Variants in MYRFL observed in about 807,000 individuals in gnomAD.
The protein encoded by MYRFL is myelin regulatory factor like.
In MYRFL, 88 loss-of-function variants were observed where a neutral mutation model predicts 109.4. The observed-to-expected ratio is 0.80, with a 90% CI of 0.68 to 0.96. The LOEUF (loss-of-function observed/expected upper bound fraction) is 0.96, where lower values mean the gene tolerates loss of function less well. MYRFL is among the 40% of genes least tolerant of loss of function. MYRFL has a pLI of 0.00. For synonymous variants in MYRFL, 324 were observed against 320.9 expected (o/e 1.01, Z -0.10); for missense variants, 957 against 954.9 (o/e 1.00, Z -0.03).
At chr12:69,956,526 C>T (rs879902207) in intron 22 of MYRFL, among the ~76,000 whole-genome samples, 1 of 151,932 alleles carries the variant, frequency 6.6e-6, no homozygotes, top group Non-Finnish European at 1.5e-5. Context: ...TGATTTTAGT[C>T]TCTCCTTTCC....
In MYRFL at chr12:69,880,280, C is replaced by T; in HGVS notation, c.544C>T (p.His182Tyr). The T allele has an allele frequency of 1.4e-6, 1 of 702,620 alleles. No individual in the cohort carries two copies. The highest frequency in any genetic ancestry group is 2.6e-6 in the Non-Finnish European group (1 of 384,760). 43.5% of individuals were successfully genotyped at this position (702,620 alleles called of 1,614,324 possible). A position where few individuals can be genotyped will look rare whatever the true frequency, so the allele number is the denominator to read the frequency against. The stretch of plus-strand genomic sequence containing the variant: ...CGGGGAATGCCGAGTGTGGGCCTGC[C>T]ACTGCAGACCGAGTGAGCAAACCTG... ...DSGECRVWAC[H>Y]CRPMTSRSRS... The change falls in exon 5 of 25, where the codon CAC becomes TAC. Residue 182 changes from histidine (H) to tyrosine (Y), a missense_variant. By Grantham distance (83) the His-to-Tyr change is moderately conservative. Transcript: ENST00000552032.
At chr12:69,860,596 T>C (rs1462284262) in intron 2 of MYRFL, among the ~76,000 whole-genome samples, 1 of 152,128 alleles carries the variant, frequency 6.6e-6, no homozygotes, top group Non-Finnish European at 1.5e-5. Context: ...TATCTTTTTC[T>C]TTTAAAAAAT....
At chr12:69,957,578 A>G (rs1461839468) in intron 22 of MYRFL, among the ~76,000 whole-genome samples, 1 of 152,158 alleles carries the variant, frequency 6.6e-6, no homozygotes, top group Admixed American at 6.5e-5. Flanking sequence ...ATAGAAAAGA[A>G]AGAAAAAAAG....
chr12:69,895,966 A>C (rs1341156049), intron 9 of MYRFL, among the ~76,000 whole-genome samples: 7 of 152,222 alleles, frequency 4.6e-5, no homozygotes, highest in Admixed American at 4.6e-4. Context: ...CTCGGGCCTT[A>C]CTGAAGAATC....
At position 69,957,894 on chromosome 12, in the gene MYRFL, A is replaced by T; in HGVS notation, c.2523A>T (p.Gly841=). The change falls in exon 23 of 25, where the codon GGA becomes GGT. Residue 841 remains glycine (G), a synonymous_variant. Transcript: ENST00000552032. ...ATATATGTTTCCATAGTAAAAGGGG[A>T]ACCAAAGGGCTGGAAAGCCACAGAG... ...LGNICFHSKR[G]TKGLESHREI... The T allele has an allele frequency of 1.3e-6, 2 of 1,535,234 alleles. No homozygotes were observed. The highest frequency in any genetic ancestry group is 8.7e-7 in the Non-Finnish European group (1 of 1,146,210).
At chr12:69,906,659 T>C (rs1954373790) in intron 11 of MYRFL, among the ~76,000 whole-genome samples, 1 of 152,148 alleles carries the variant, frequency 6.6e-6, no homozygotes, top group Non-Finnish European at 1.5e-5. Flanking sequence ...AAAGTAGACA[T>C]GAAAAAAGCT....
intron 15 of MYRFL, among the ~76,000 whole-genome samples, chr12:69,930,053 C>T (rs1240921797): frequency 6.6e-6 from 1 of 152,220 alleles, no homozygotes; most frequent in East Asian, 1.9e-4. Flanking sequence ...TCCCTCTGTG[C>T]TGACCTGCTA....
At chr12:69,863,106 G>C (rs2136325637) in intron 2 of MYRFL, among the ~76,000 whole-genome samples, 1 of 152,048 alleles carries the variant, frequency 6.6e-6, no homozygotes, top group East Asian at 1.9e-4. Flanking sequence ...AAGCCCACTT[G>C]ATCATGGTGG....
intron 1 of MYRFL, among the ~76,000 whole-genome samples, chr12:69,834,209 C>T (rs1882802622): frequency 6.6e-6 from 1 of 152,136 alleles, no homozygotes; most frequent in Non-Finnish European, 1.5e-5. Flanking sequence ...CAAGATGGGA[C>T]CCCAGTGGTT....
rs1956152458 is a variant in MYRFL at position 69,958,804 on chromosome 12, C to CTAT, written c.*278_*280dup. 3.1e-6 allele frequency: 1 copy of CTAT among 322,670 alleles called. No individual in the cohort carries two copies. 20.0% of individuals were successfully genotyped at this position (322,670 alleles called of 1,614,324 possible). A position where few individuals can be genotyped will look rare whatever the true frequency, so the allele number is the denominator to read the frequency against. On this transcript the variant is annotated 3_prime_UTR_variant, in exon 25 of 25. Transcript: ENST00000552032. ...AACAGTTCTGTTGAATTTAAAAATA[C>CTAT]TATTATTTCTGGTATTAAGGAAGTT...
chr12:69,956,977 A>G (rs986407570), intron 22 of MYRFL, among the ~76,000 whole-genome samples: 1 of 152,192 alleles, frequency 6.6e-6, no homozygotes, highest in Non-Finnish European at 1.5e-5. Context: ...GATCACCTTG[A>G]GCTGCTAAAT....
chr12:69,942,766 T>A (rs1481099309), intron 19 of MYRFL, among the ~76,000 whole-genome samples: 20 of 151,808 alleles, frequency 1.3e-4, no homozygotes, highest in Middle Eastern at 3.2e-3. Context: ...GCAGATGACA[T>A]GATTGTATAT....
Position 69,927,766 on chromosome 12 carries a change from C to T in MYRFL, c.1830+18C>T. 6.6e-7 allele frequency: 1 copy of T among 1,515,378 alleles called. No homozygotes were observed. The highest frequency in any genetic ancestry group is 1.2e-5 in the South Asian group (1 of 80,414). 93.9% of individuals were successfully genotyped at this position (1,515,378 alleles called of 1,614,324 possible). A position where few individuals can be genotyped will look rare whatever the true frequency, so the allele number is the denominator to read the frequency against. On this transcript the variant is annotated intron_variant, in intron 15 of 24. Transcript: ENST00000552032. ...ACAACAAGGTAAATAGACACATTTA[C>T]AATGAAAGGAAATGATGTTTTCTAC...
At chr12:69,853,232 C>A (rs139230118) in intron 1 of MYRFL, among the ~76,000 whole-genome samples, 1 of 151,136 alleles carries the variant, frequency 6.6e-6, no homozygotes. Context: ...ACCTCCCTCC[C>A]GGACGGGGCG....
Position 69,887,567 on chromosome 12 carries a change from C to G in MYRFL, c.707+597C>G, listed in dbSNP as rs189394503. On this transcript the variant is annotated intron_variant, in intron 6 of 24. Transcript: ENST00000552032. ...ATAAATGTGCAATCCTATATTATTA[C>G]TCTTAAACATCCTTTAGACTTCTTT... Among the ~76,000 whole-genome samples the G allele has an allele frequency of 2.9e-3, 434 of 152,268 alleles. 3 individuals carry two copies. Among genetic ancestry groups the G allele is most frequent in the African/African-American group, 9.6e-3 (399 of 41,542 alleles).
At chr12:69,952,598 T>C (rs1395350219) in intron 20 of MYRFL, among the ~76,000 whole-genome samples, 1 of 152,202 alleles carries the variant, frequency 6.6e-6, no homozygotes, top group Non-Finnish European at 1.5e-5. Flanking sequence ...TATTAGTTTT[T>C]CTAATAGGTA....
intron 6 of MYRFL, among the ~76,000 whole-genome samples, chr12:69,890,073 A>G (rs964832497): frequency 6.6e-6 from 1 of 152,216 alleles, no homozygotes; most frequent in African/African-American, 2.4e-5. Flanking sequence ...GGAGAATAAA[A>G]AGGAAATGAC....
chr12:69,932,231 G>T lies in MYRFL; in HGVS notation c.1831-282G>T, dbSNP rs1430338986. Among the ~76,000 whole-genome samples the T allele has an allele frequency of 2.6e-5, 4 of 152,304 alleles. No homozygotes were observed. In the East Asian group the frequency reaches 7.7e-4, roughly 29 times the overall value. On this transcript the variant is annotated intron_variant, in intron 15 of 24. Transcript: ENST00000552032. Reference sequence around the variant, plus strand: ...GTTTCTCATAAAACTGCAAAGATAAGTAAGTGCCCAATGAATGGCAAAGAT... The same window carrying T: ...GTTTCTCATAAAACTGCAAAGATAATTAAGTGCCCAATGAATGGCAAAGAT...
intron 1 of MYRFL, among the ~76,000 whole-genome samples, chr12:69,836,918 A>C (rs568513911): frequency 6.6e-6 from 1 of 152,334 alleles, no homozygotes; most frequent in South Asian, 2.1e-4. Flanking sequence ...TTATTTTGCC[A>C]GTTCATTCTT....
Sources: gnomAD v4.1 joint callset for allele counts (sites outside exome capture counted in the v4.1 genomes callset) on GRCh38, gnomAD v4.1.1 for gene constraint, MANE v1.5 for transcripts, NCBI Gene and HGNC (gene_info 2026-07-23, HGNC 2026-07-21) for gene names.